Variants in RELN observed in about 807,000 individuals in gnomAD.
The protein encoded by RELN is reelin.
Under a neutral mutation model 427.6 loss-of-function variants are expected in RELN, and 108 were observed. The ratio of observed to expected loss-of-function variants is 0.25; its 90% CI spans 0.22 to 0.30. The LOEUF (loss-of-function observed/expected upper bound fraction) is 0.30. Among genes scored for constraint, RELN ranks in the 10% least tolerant of loss-of-function variants. The probability of loss-of-function intolerance (pLI) is 1.00; values close to 1 mark genes in which losing one functional copy is unlikely to be tolerated. For missense variants in RELN, 3,715 were observed against 4,302.8 expected (o/e 0.86, Z 3.82); for synonymous variants, 1,524 against 1,513.4 (o/e 1.01, Z -0.16).
chr7:103,660,115 A>G (rs1833106800), intron 12 of RELN, among the ~76,000 whole-genome samples: 1 of 152,194 alleles, frequency 6.6e-6, no homozygotes, highest in African/African-American at 2.4e-5. Flanking sequence ...CATATAAATC[A>G]CCAAATATGG....
intron 1 of RELN, among the ~76,000 whole-genome samples, chr7:103,954,744 G>A (rs1321196618): frequency 6.6e-6 from 1 of 152,162 alleles, no homozygotes; most frequent in East Asian, 1.9e-4. Context: ...AATTTGGATA[G>A]GCAAGAACTG....
chr7:103,928,031 T>G (rs1002011687), intron 1 of RELN, among the ~76,000 whole-genome samples: 12 of 152,178 alleles, frequency 7.9e-5, no homozygotes, highest in African/African-American at 2.9e-4. Context: ...TTTAGAAAAC[T>G]GATCTAAATT....
At chr7:103,943,692 G>C (rs1584389333) in intron 1 of RELN, among the ~76,000 whole-genome samples, 1 of 151,426 alleles carries the variant, frequency 6.6e-6, no homozygotes, top group African/African-American at 2.4e-5. Context: ...CTCTACTAAA[G>C]ATACAAAAAT....
chr7:103,743,613 G>C (rs111636095), intron 6 of RELN, among the ~76,000 whole-genome samples: 13 of 152,050 alleles, frequency 8.5e-5, no homozygotes, highest in African/African-American at 2.2e-4. Flanking sequence ...GGTTGCAATC[G>C]TAGTCTCAGA....
At chr7:103,599,875 G>T (rs1831624175) in intron 24 of RELN, among the ~76,000 whole-genome samples, 1 of 152,090 alleles carries the variant, frequency 6.6e-6, no homozygotes, top group Non-Finnish European at 1.5e-5. Flanking sequence ...GATAGGGAAA[G>T]AATGAATTAT....
chr7:103,902,754 A>C lies in RELN; in HGVS notation c.337+14321T>G, dbSNP rs374576407. Among the ~76,000 whole-genome samples, 28 of 152,218 alleles carry C rather than the reference A, an allele frequency of 1.8e-4. No individual in the cohort carries two copies. In the East Asian group the frequency reaches 5.2e-3, roughly 28 times the overall value. On this transcript the variant is annotated intron_variant, in intron 2 of 64. Coordinates refer to ENST00000428762, the MANE Select transcript of RELN (RefSeq NM_005045.4). Reference sequence around the variant, plus strand: ...ATTGGAGGGTTGAAAACAAACTACAAAACAGAAGACAAAAGTGGAAACAGA... The same window carrying C: ...ATTGGAGGGTTGAAAACAAACTACACAACAGAAGACAAAAGTGGAAACAGA...
chr7:103,496,385 G>T, intron 56 of RELN, 141 bp downstream of exon 56: 1 of 1,172,288 alleles, frequency 8.5e-7, no homozygotes, highest in Non-Finnish European at 1.3e-6. Context: ...AAACCACTGG[G>T]CAAAATAACA....
At chr7:103,713,140 A>G (rs1331303318) in intron 8 of RELN, among the ~76,000 whole-genome samples, 1 of 152,202 alleles carries the variant, frequency 6.6e-6, no homozygotes, top group East Asian at 1.9e-4. Context: ...TCTAGATAGC[A>G]TAGTGGGACC....
chr7:103,638,111 G>A (rs1832623035), intron 17 of RELN, among the ~76,000 whole-genome samples: 1 of 152,040 alleles, frequency 6.6e-6, no homozygotes, highest in African/African-American at 2.4e-5. Context: ...TTGTTTCTCA[G>A]CAAAACAACA....
chr7:103,575,795 G>C, intron 28 of RELN, 90 bp from the exon 29 acceptor site: 1 of 1,399,790 alleles, frequency 7.1e-7, no homozygotes, highest in South Asian at 1.2e-5. Flanking sequence ...ACTCAACAGA[G>C]ACTTAATATT....
intron 3 of RELN, among the ~76,000 whole-genome samples, chr7:103,828,376 T>A (rs1793192760): frequency 7.5e-6 from 1 of 133,520 alleles, no homozygotes; most frequent in Non-Finnish European, 1.6e-5. Flanking sequence ...ACATATCAAA[T>A]GTTCAAATAT....
chr7:103,766,285 G>A (rs551035111), intron 4 of RELN, among the ~76,000 whole-genome samples: 1 of 152,280 alleles, frequency 6.6e-6, no homozygotes, highest in African/African-American at 2.4e-5. Flanking sequence ...GAGCACAGAT[G>A]TCTTTGACTA....
At chr7:103,956,848 C>A (rs1167137629) in intron 1 of RELN, among the ~76,000 whole-genome samples, 2 of 152,080 alleles carry the variant, frequency 1.3e-5, no homozygotes, top group African/African-American at 4.8e-5. Flanking sequence ...GGCAACTTTA[C>A]AAGTTGTGCT....
intron 6 of RELN, among the ~76,000 whole-genome samples, chr7:103,732,187 G>A (rs894377244): frequency 7.2e-5 from 11 of 152,106 alleles, no homozygotes; most frequent in Admixed American, 7.2e-4. Flanking sequence ...AATCATGGGA[G>A]TGTATATCTT....
At chr7:103,900,202 A>G (rs2116617276) in intron 2 of RELN, among the ~76,000 whole-genome samples, 1 of 152,224 alleles carries the variant, frequency 6.6e-6, no homozygotes, top group South Asian at 2.1e-4. Context: ...CACAATTGCT[A>G]CTAAGAGAAT....
chr7:103,503,114 G>T lies in RELN; in HGVS notation c.8391C>A (p.Asp2797Glu). ...NYLVPQCLPA[D>E]PKCSGSVSQP... Reference sequence around the variant, plus strand: ...GAGAAACACTTCCAGAGCATTTTGGGTCAGCAGGCAAGCACTGAGGGACCA... The same window carrying T: ...GAGAAACACTTCCAGAGCATTTTGGTTCAGCAGGCAAGCACTGAGGGACCA... Residue 2797 changes from aspartate (D) to glutamate (E), a missense_variant, in exon 52 of 65, where the codon GAC becomes GAA. Around this residue, in one of 4 missense-constraint regions of RELN, gnomAD observed 1,310 missense variants for 1,643.0 expected, o/e 0.80. Transcript: ENST00000428762. 6.2e-7 allele frequency: 1 copy of T among 1,614,126 alleles called. No individual in the cohort carries two copies. The highest frequency in any genetic ancestry group is 1.1e-5 in the South Asian group (1 of 91,078).
chr7:103,528,060 G>A (rs920718420), intron 46 of RELN, among the ~76,000 whole-genome samples: 6 of 152,156 alleles, frequency 3.9e-5, no homozygotes, highest in Non-Finnish European at 8.8e-5. Context: ...CCAGTCCTAG[G>A]TATATAGCCA....
At chr7:103,496,422 G>T in intron 56 of RELN, 104 bp downstream of exon 56, 1 of 1,458,152 alleles carries the variant, frequency 6.9e-7, no homozygotes. Flanking sequence ...CAGGAGTATG[G>T]GCTAGGCACT....
At chr7:103,505,407 T>A (rs1038755756) in intron 51 of RELN, among the ~76,000 whole-genome samples, 3 of 152,164 alleles carry the variant, frequency 2.0e-5, no homozygotes, top group African/African-American at 7.2e-5. Context: ...TAGCCTCTGT[T>A]GGTGATACCT....
Sources: gnomAD v4.1 joint callset for allele counts (sites outside exome capture counted in the v4.1 genomes callset) on GRCh38, gnomAD v4.1.1 for gene constraint, gnomAD v4.1.1 regional missense constraint, MANE v1.5 for transcripts, NCBI Gene and HGNC (gene_info 2026-07-23, HGNC 2026-07-21) for gene names.